CDH24: variants seen among roughly 807,000 people sequenced by gnomAD.
CDH24 encodes cadherin 24.
A neutral mutation model predicts 71.2 loss-of-function variants in CDH24; 61 were observed. The ratio of observed to expected loss-of-function variants is 0.86; its 90% CI spans 0.70 to 1.06. The LOEUF (loss-of-function observed/expected upper bound fraction) is 1.06, where lower values mean the gene tolerates loss of function less well. Among genes scored for constraint, CDH24 ranks in the 50% least tolerant of loss-of-function variants. The probability of loss-of-function intolerance (pLI) is 0.00; values close to 1 mark genes in which losing one functional copy is unlikely to be tolerated. For missense variants in CDH24, 961 were observed against 1,083.7 expected, an observed-to-expected ratio of 0.89 and a Z score of 1.59; for synonymous variants, 440 against 470.2, an observed-to-expected ratio of 0.94 and a Z score of 0.83.
rs772057457 is a variant in CDH24, at chr14:23,049,715, C to T, written c.1509G>A (p.Leu503=). Residue 503 remains leucine (L), a synonymous_variant, in exon 10 of 13, where the codon CTG becomes CTA. Coordinates refer to ENST00000487137, the MANE Select transcript of CDH24 (RefSeq NM_144985.4). ...TACTGTTGCCAACTTCATCTCTGTC[C>T]AGGGCCCGGATGACCTGAATCAGCT... The part of the protein sequence containing the change: ...PGQLIQVIRA[L]DRDEVGNSSH... The T allele has an allele frequency of 3.1e-6, 5 of 1,612,250 alleles. No individual in the cohort carries two copies. The highest frequency in any genetic ancestry group is 1.3e-5 in the African/African-American group (1 of 75,022).
chr14:23,048,028 G>C lies in CDH24; in HGVS notation c.2298C>G (p.Phe766Leu), dbSNP rs1211855940. 6.9e-7 allele frequency: 1 copy of C among 1,449,278 alleles called. No individual in the cohort carries two copies. The highest frequency in any genetic ancestry group is 9.0e-7 in the Non-Finnish European group (1 of 1,106,484). The allele number at this position is 1,449,278 out of a possible 1,614,324, so 89.8% of individuals were successfully genotyped here. The change falls in exon 12 of 13, where the codon TTC becomes TTG. Residue 766 changes from phenylalanine to leucine, a missense_variant. By Grantham distance (22) the Phe-to-Leu change is conservative. Transcript: ENST00000487137. Reference sequence around the variant, plus strand: ...CCCCATACAGCTCGGCCAGGGTGCGGAAGAGCGGACCCCAGTCGTCCAGCG... The same window carrying C: ...CCCCATACAGCTCGGCCAGGGTGCGCAAGAGCGGACCCCAGTCGTCCAGCG... Reference protein sequence around the residue: ...AEPLDDWGPLFRTLAELYGAK... With the variant: ...AEPLDDWGPLLRTLAELYGAK...
chr14:23,053,959 G>T (rs1465264265), intron 6 of CDH24, among the ~76,000 whole-genome samples, 182 bp downstream of exon 6: 1 of 152,142 alleles, frequency 6.6e-6, no homozygotes, highest in African/African-American at 2.4e-5. Context: ...CTCCCTCATA[G>T]ACTTGCTATC....
At position 23,055,358 on chromosome 14, in the gene CDH24, A is replaced by C; in HGVS notation, c.202-5T>G. The C allele has an allele frequency of 6.2e-7, 1 of 1,603,514 alleles. No individual in the cohort carries two copies. The highest frequency in any genetic ancestry group is 8.5e-7 in the Non-Finnish European group (1 of 1,171,248). ...CCGGTCAACATCCGAGTGCAGCTGCAGGGGTCACGAAAAGATGGCAGAGGG... is the reference window on the plus strand; with the variant it reads ...CCGGTCAACATCCGAGTGCAGCTGCCGGGGTCACGAAAAGATGGCAGAGGG... On this transcript the variant is annotated splice_polypyrimidine_tract_variant and splice_region_variant and intron_variant, in intron 2 of 12. Coordinates refer to ENST00000487137, the MANE Select transcript of CDH24 (RefSeq NM_144985.4). This position sits in a 1 kb window ranked among gnomAD's most constrained non-coding sequence, Gnocchi z 4.1.
In CDH24 at chr14:23,051,985, C is replaced by T. The variant is rs750677413; in HGVS notation, c.1363+488G>A. 3.8e-6 allele frequency: 6 copies of T among 1,578,364 alleles called. No individual in the cohort carries two copies. The African/African-American group carries it at 6.8e-5, about 18-fold the overall frequency. The stretch of plus-strand genomic sequence containing the variant: ...ACTCCCCTACCTTGGGGGATTCCCA[C>T]AGCGCTTCCAACAGGGCTTCTCTGG... On this transcript the variant is annotated intron_variant, in intron 8 of 12. Transcript: ENST00000487137. The surrounding 1 kb of genome is among the most constrained non-coding windows in gnomAD (Gnocchi z 4.4).
At chr14:23,050,049 A>C in intron 8 of CDH24, 106 bp from the exon 9 acceptor site, 2 of 1,445,782 alleles carry the variant, frequency 1.4e-6, no homozygotes, top group Non-Finnish European at 1.9e-6. Flanking sequence ...TATAGCATGC[A>C]CAAGAAACAC....
rs1281764361 is a variant in CDH24, at chr14:23,055,700, G to A, written c.34C>T (p.Leu12=). The change falls in exon 2 of 13, where the codon CTG becomes TTG. Residue 12 remains leucine, a synonymous_variant. Transcript: ENST00000487137. The surrounding 1 kb of genome is among the most constrained non-coding windows in gnomAD (Gnocchi z 4.1). ...CGCCCCATGCAGCCCCAGCCACCCA[G>A]CCAGGCCAGCAGGAGCCTCACCAGG... The part of the protein sequence containing the change: ...WGLVRLLLAW[L]GGWGCMGRLA... 8 of 1,598,036 alleles carry A rather than the reference G, an allele frequency of 5.0e-6. No individual in the cohort carries two copies. Among genetic ancestry groups the A allele is most frequent in the Non-Finnish European group, 6.0e-6 (7 of 1,175,532 alleles).
At position 23,055,517 on chromosome 14, in the gene CDH24, G is replaced by A. The variant is rs1453010039; in HGVS notation, c.201+16C>T. The stretch of plus-strand genomic sequence containing the variant: ...GGGCTTGGTGTCAGAGTAGACATGG[G>A]AGGGGTCATCCTTACCTTGCCAATG... On this transcript the variant is annotated intron_variant, in intron 2 of 12. Coordinates refer to ENST00000487137, the MANE Select transcript of CDH24 (RefSeq NM_144985.4). This position sits in a 1 kb window ranked among gnomAD's most constrained non-coding sequence, Gnocchi z 4.1. The A allele has an allele frequency of 6.2e-7, 1 of 1,612,498 alleles. No homozygotes were observed. Among genetic ancestry groups the A allele is most frequent in the African/African-American group, 1.3e-5 (1 of 74,898 alleles).
In CDH24 at chr14:23,057,506, C is replaced by A. The variant is rs2047148473; in HGVS notation, c.-228G>T. 1 of 151,916 alleles carries A rather than the reference C, an allele frequency of 6.6e-6. No homozygotes were observed. The highest frequency in any genetic ancestry group is 1.5e-5 in the Non-Finnish European group (1 of 67,942). 9.4% of individuals were successfully genotyped at this position (151,916 alleles called of 1,614,324 possible). ...GAGCCGATTGGAGCGGGCGCCGCGG[C>A]TCCGCTGCAGGTCTGAGCGGCCCCG... is the stretch of plus-strand genomic sequence containing the variant. On this transcript the variant is annotated 5_prime_UTR_variant, in exon 1 of 13. Coordinates refer to ENST00000487137, the MANE Select transcript of CDH24 (RefSeq NM_144985.4). The surrounding 1 kb of genome is among the most constrained non-coding windows in gnomAD (Gnocchi z 5.4).
At position 23,047,909 on chromosome 14, in the gene CDH24, C is replaced by A; in HGVS notation, c.*71G>T. 1 of 1,183,754 alleles carries A rather than the reference C, an allele frequency of 8.4e-7. No homozygotes were observed. The highest frequency in any genetic ancestry group is 3.4e-5 in the East Asian group (1 of 29,196). The allele number at this position is 1,183,754 out of a possible 1,614,324, so 73.3% of individuals were successfully genotyped here. ...CTGGGCTGCTGCCGCCCGCCTGGACCCCGTGGGGCTCACTCAGAGGGCCTG... is the reference window on the plus strand; with the variant it reads ...CTGGGCTGCTGCCGCCCGCCTGGACACCGTGGGGCTCACTCAGAGGGCCTG... On this transcript the variant is annotated 3_prime_UTR_variant, in exon 12 of 13. Transcript: ENST00000487137.
rs372231304 is a variant in CDH24 at position 23,049,807 on chromosome 14, G to C, written c.1485+15C>G. The C allele has an allele frequency of 4.2e-5, 68 of 1,613,884 alleles. No homozygotes were observed. In the South Asian group the frequency reaches 4.3e-4, roughly 10 times the overall value. On this transcript the variant is annotated intron_variant, in intron 9 of 12. Coordinates refer to ENST00000487137, the MANE Select transcript of CDH24 (RefSeq NM_144985.4). Reference sequence around the variant, plus strand: ...GAGGCCTGGACGTCCCAACCCCTCTGCCTCAGTTGCTCACCTGGCCAGGAG... The same window carrying C: ...GAGGCCTGGACGTCCCAACCCCTCTCCCTCAGTTGCTCACCTGGCCAGGAG...
intron 7 of CDH24, among the ~76,000 whole-genome samples, chr14:23,053,255 C>A (rs1036553386): frequency 6.6e-6 from 1 of 152,198 alleles, no homozygotes; most frequent in African/African-American, 2.4e-5. Context: ...ACTTGCACTG[C>A]CACTGGGAGG....
Position 23,055,996 on chromosome 14 carries a change from C to T in CDH24, c.-124-139G>A, listed in dbSNP as rs1425114375. 1 of 450,520 alleles carries T rather than the reference C, an allele frequency of 2.2e-6. No individual in the cohort carries two copies. Among genetic ancestry groups the T allele is most frequent in the Non-Finnish European group, 4.0e-6 (1 of 251,998 alleles). 27.9% of individuals were successfully genotyped at this position (450,520 alleles called of 1,614,324 possible). On this transcript the variant is annotated intron_variant, in intron 1 of 12. Transcript: ENST00000487137. The surrounding 1 kb of genome is among the most constrained non-coding windows in gnomAD (Gnocchi z 4.1). ...CAGACTAAGACAGAGAGCAGAGAGGCTGATCCTTCCTCCACCCAGGCTCTG... is the reference window on the plus strand; with the variant it reads ...CAGACTAAGACAGAGAGCAGAGAGGTTGATCCTTCCTCCACCCAGGCTCTG...
At position 23,051,965 on chromosome 14, in the gene CDH24, C is replaced by G; in HGVS notation, c.1363+508G>C. ...TCCCCTTCCTTATGGTGTCCACTCC[C>G]CTACCTTGGGGGATTCCCACAGCGC... On this transcript the variant is annotated intron_variant, in intron 8 of 12. Coordinates refer to ENST00000487137, the MANE Select transcript of CDH24 (RefSeq NM_144985.4). This position sits in a 1 kb window ranked among gnomAD's most constrained non-coding sequence, Gnocchi z 4.4. 6.5e-7 allele frequency: 1 copy of G among 1,531,374 alleles called. No homozygotes were observed. Among genetic ancestry groups the G allele is most frequent in the East Asian group, 2.4e-5 (1 of 42,048 alleles). The allele number at this position is 1,531,374 out of a possible 1,614,324, so 94.9% of individuals were successfully genotyped here.
At position 23,057,135 on chromosome 14, in the gene CDH24, G is replaced by T. The variant is rs2047142199; in HGVS notation, c.-125+268C>A. On this transcript the variant is annotated intron_variant, in intron 1 of 12. Coordinates refer to ENST00000487137, the MANE Select transcript of CDH24 (RefSeq NM_144985.4). This position sits in a 1 kb window ranked among gnomAD's most constrained non-coding sequence, Gnocchi z 5.4. ...CAAAGAGGGAGAGGAGATGGAAAAA[G>T]GACAAGAGGGAGAGGGAAGGGTTGG... Among the ~76,000 whole-genome samples, 1 of 151,842 alleles carries T rather than the reference G, an allele frequency of 6.6e-6. No individual in the cohort carries two copies. Among genetic ancestry groups the T allele is most frequent in the Non-Finnish European group, 1.5e-5 (1 of 67,948 alleles).
In CDH24 at chr14:23,048,099, G is replaced by A. The variant is rs1475750764; in HGVS notation, c.2227C>T (p.Leu743=). The change falls in exon 12 of 13, where the codon CTG becomes TTG. Residue 743 remains leucine, a synonymous_variant. Transcript: ENST00000487137. Reference sequence around the variant, plus strand: ...CCGCCGGCTTCGCTGCCGGAGCCCAGGGAGCTGAGGGAGCCGCAAGAGGAG... The same window carrying A: ...CCGCCGGCTTCGCTGCCGGAGCCCAAGGAGCTGAGGGAGCCGCAAGAGGAG... ...RGSSCGSLSS[L]GSGSEAGGAP... is the part of the protein sequence containing the mutation. 1.4e-6 allele frequency: 2 copies of A among 1,408,758 alleles called. No individual in the cohort carries two copies. Among genetic ancestry groups the A allele is most frequent in the Non-Finnish European group, 1.8e-6 (2 of 1,087,714 alleles). 87.3% of individuals were successfully genotyped at this position (1,408,758 alleles called of 1,614,324 possible).
At position 23,054,873 on chromosome 14, in the gene CDH24, G is replaced by A. The variant is rs1341421220; in HGVS notation, c.497-7C>T. 1 of 1,612,778 alleles carries A rather than the reference G, an allele frequency of 6.2e-7. No homozygotes were observed. Among genetic ancestry groups the A allele is most frequent in the Non-Finnish European group, 8.5e-7 (1 of 1,179,996 alleles). ...ACCTGGATCACTGATGTCCCTGTGG[G>A]GGATGCCAGCACGCCATTCAGCAGC... On this transcript the variant is annotated splice_region_variant and splice_polypyrimidine_tract_variant and intron_variant, in intron 3 of 12. Transcript: ENST00000487137. The surrounding 1 kb of genome is among the most constrained non-coding windows in gnomAD (Gnocchi z 5.2).
At position 23,055,083 on chromosome 14, in the gene CDH24, T is replaced by A; in HGVS notation, c.472A>T (p.Thr158Ser). 6.2e-7 allele frequency: 1 copy of A among 1,612,230 alleles called. No individual in the cohort carries two copies. The highest frequency in any genetic ancestry group is 8.5e-7 in the Non-Finnish European group (1 of 1,178,534). ...PIFPLGPYHA[T>S]VPEMSNVGTS... ...CCGACATTGGACATCTCGGGCACGG[T>A]GGCATGGTAGGGCCCAAGGGGAAAA... Residue 158 changes from threonine (T) to serine (S), a missense_variant, in exon 3 of 13, where the codon ACC (threonine) becomes TCC (serine). Coordinates refer to ENST00000487137, the MANE Select transcript of CDH24 (RefSeq NM_144985.4). This position sits in a 1 kb window ranked among gnomAD's most constrained non-coding sequence, Gnocchi z 4.1.
chr14:23,056,712 G>T (rs1012936910), intron 1 of CDH24, among the ~76,000 whole-genome samples: 6 of 152,174 alleles, frequency 3.9e-5, no homozygotes, highest in African/African-American at 1.4e-4. Context: ...AGCTTCGGGG[G>T]TGTCAAGCCA....
At position 23,048,410 on chromosome 14, in the gene CDH24, T is replaced by C. The variant is rs1160460477; in HGVS notation, c.1916A>G (p.Asp639Gly). 6.2e-7 allele frequency: 1 copy of C among 1,612,040 alleles called. No individual in the cohort carries two copies. Among genetic ancestry groups the C allele is most frequent in the Admixed American group, 1.7e-5 (1 of 59,984 alleles). ...GTAGGTGATGATGTTCTCTCGGACGTCCTCCTCCTCCAGTACCATCAGTGC... is the reference window on the plus strand; with the variant it reads ...GTAGGTGATGATGTTCTCTCGGACGCCCTCCTCCTCCAGTACCATCAGTGC... The part of the protein sequence containing the change: ...QEALMVLEEE[D>G]VRENIITYDD... The change falls in exon 12 of 13, where the codon GAC becomes GGC. Residue 639 changes from aspartate (D) to glycine (G), a missense_variant. Around this residue, in one of 2 missense-constraint regions of CDH24, gnomAD observed 290 missense variants for 272.8 expected, o/e 1.06. Coordinates refer to ENST00000487137, the MANE Select transcript of CDH24 (RefSeq NM_144985.4).
Sources: gnomAD v4.1 joint callset for allele counts (sites outside exome capture counted in the v4.1 genomes callset) on GRCh38, gnomAD v4.1.1 for gene constraint, gnomAD v4.1.1 regional missense constraint, Gnocchi (gnomAD v3.1) non-coding constraint, MANE v1.5 for transcripts, NCBI Gene and HGNC (gene_info 2026-07-23, HGNC 2026-07-21) for gene names.